COBLL1: variants seen among roughly 807,000 people sequenced by gnomAD.
COBLL1 encodes cordon-bleu protein-like 1.
COBLL1 carries 50 observed loss-of-function variants against 94.8 expected under a neutral mutation model. The observed-to-expected ratio is 0.53, with a 90% CI of 0.42 to 0.67. The LOEUF is 0.67. COBLL1 is among the 30% of genes least tolerant of loss of function. COBLL1 has a pLI of 0.00. For synonymous variants in COBLL1, 448 were observed against 473.8 expected (o/e 0.95, Z 0.71); for missense variants, 1,362 against 1,348.7 (o/e 1.01, Z -0.15).
intron 2 of COBLL1, among the ~76,000 whole-genome samples, chr2:164,792,553 A>G (rs1312249615): frequency 1.3e-5 from 2 of 152,150 alleles, no homozygotes; most frequent in Admixed American, 1.3e-4. Context: ...TTTAGACTCC[A>G]TTATTCATTA....
chr2:164,819,630 G>A (rs888230894), intron 2 of COBLL1, among the ~76,000 whole-genome samples: 2 of 152,134 alleles, frequency 1.3e-5, no homozygotes, highest in Non-Finnish European at 2.9e-5. Context: ...TTCAGGTAGG[G>A]AAAGAAACAA....
chr2:164,729,867 CTG>C, intron 4 of COBLL1, 45 bp downstream of exon 4: 1 of 1,474,690 alleles, frequency 6.8e-7, no homozygotes, highest in Non-Finnish European at 9.5e-7. Context: ...CAATGAGCTG[CTG>C]ATAATGACTG....
chr2:164,838,781 C>T (rs890657446), intron 2 of COBLL1, among the ~76,000 whole-genome samples: 1 of 152,168 alleles, frequency 6.6e-6, no homozygotes, highest in Non-Finnish European at 1.5e-5. Flanking sequence ...CTAAACTAGG[C>T]TTCATTGTCT....
chr2:164,840,897 A>C, intron 2 of COBLL1: 1 of 379,228 alleles, frequency 2.6e-6, no homozygotes. Flanking sequence ...CTCCTCACCC[A>C]ATTCCTGGCA....
At chr2:164,709,350 A>G (rs1684765503) in intron 7 of COBLL1, among the ~76,000 whole-genome samples, 1 of 152,174 alleles carries the variant, frequency 6.6e-6, no homozygotes, top group African/African-American at 2.4e-5. Context: ...CACCCTTACC[A>G]TGTTGTGCAT....
At position 164,700,749 on chromosome 2, in the gene COBLL1, T is replaced by A; in HGVS notation, c.1233A>T (p.Ile411=). The change falls in exon 10 of 14, where the codon ATA becomes ATT. Residue 411 remains isoleucine, a synonymous_variant. Transcript: ENST00000652658. ...SPEELSSPAG[I]SSDYSLEEID... ...TCTCTTCAAGGCTATAATCAGAGCTTATTCCAGCTACAAAGAAATGCAGAT... is the reference window on the plus strand; with the variant it reads ...TCTCTTCAAGGCTATAATCAGAGCTAATTCCAGCTACAAAGAAATGCAGAT... 6.3e-7 allele frequency: 1 copy of A among 1,580,032 alleles called. No homozygotes were observed. The highest frequency in any genetic ancestry group is 2.2e-5 in the East Asian group (1 of 44,668).
At chr2:164,751,838 T>A (rs1207355180) in intron 2 of COBLL1, among the ~76,000 whole-genome samples, 2 of 152,056 alleles carry the variant, frequency 1.3e-5, no homozygotes, top group Non-Finnish European at 2.9e-5. Flanking sequence ...CTGACAAAAT[T>A]TTAGATTGTA....
chr2:164,671,014 A>G (rs1438405614), intron 1 of COBLL1, among the ~76,000 whole-genome samples: 4 of 152,210 alleles, frequency 2.6e-5, no homozygotes, highest in South Asian at 2.1e-4. Flanking sequence ...TTCACAGGTA[A>G]GGGCAATGAA....
Position 164,686,052 on chromosome 2 carries a change from T to C in COBLL1, c.3301-20A>G, listed in dbSNP as rs748989785. 2 of 1,416,288 alleles carry C rather than the reference T, an allele frequency of 1.4e-6. No homozygotes were observed. Among genetic ancestry groups the C allele is most frequent in the Non-Finnish European group, 9.8e-7 (1 of 1,017,842 alleles). The allele number at this position is 1,416,288 out of a possible 1,614,324, so 87.7% of individuals were successfully genotyped here. On this transcript the variant is annotated intron_variant, in intron 13 of 13. Coordinates refer to ENST00000652658, the MANE Select transcript of COBLL1 (RefSeq NM_001365672.2). ...GGTAACCTAAGAGAAAGAAACACAC[T>C]TTGCACCCATCAATTTAAAATGGGA...
At chr2:164,765,234 A>T (rs1276021590) in intron 2 of COBLL1, among the ~76,000 whole-genome samples, 1 of 152,230 alleles carries the variant, frequency 6.6e-6, no homozygotes, top group Non-Finnish European at 1.5e-5. Flanking sequence ...CCACATATGA[A>T]GTACTCTTAT....
chr2:164,694,821 A>C lies in COBLL1; in HGVS notation c.2571T>G (p.Ala857=). The part of the protein sequence containing the change: ...NILESKFKSR[A]SNAQAKPSSF... ...AGCTGGGTTTGGCCTGGGCATTTGA[A>C]GCCCGAGATTTAAATTTTGATTCCA... The change falls in exon 12 of 14, where the codon GCT becomes GCG. Residue 857 remains alanine, a synonymous_variant. Coordinates refer to ENST00000652658, the MANE Select transcript of COBLL1 (RefSeq NM_001365672.2). 1 of 1,613,862 alleles carries C rather than the reference A, an allele frequency of 6.2e-7. No homozygotes were observed. Among genetic ancestry groups the C allele is most frequent in the Non-Finnish European group, 8.5e-7 (1 of 1,179,954 alleles).
chr2:164,802,866 G>A (rs1452237238), intron 2 of COBLL1, among the ~76,000 whole-genome samples: 2 of 151,918 alleles, frequency 1.3e-5, no homozygotes, highest in Admixed American at 6.6e-5. Context: ...AGGAAGGGGA[G>A]GGAGGCAAAC....
chr2:164,794,707 C>G (rs546191246), intron 2 of COBLL1, among the ~76,000 whole-genome samples: 1 of 151,886 alleles, frequency 6.6e-6, no homozygotes, highest in South Asian at 2.1e-4. Flanking sequence ...TCAGTACATA[C>G]GCAGCATAAG....
intron 2 of COBLL1, among the ~76,000 whole-genome samples, chr2:164,825,904 T>C (rs945642213): frequency 6.6e-6 from 1 of 152,214 alleles, no homozygotes; most frequent in Non-Finnish European, 1.5e-5. Context: ...TGGTAAAGTA[T>C]AATACCTCAA....
At chr2:164,810,498 A>G in intron 2 of COBLL1, among the ~76,000 whole-genome samples, 1 of 151,702 alleles carries the variant, frequency 6.6e-6, no homozygotes, top group Admixed American at 6.6e-5. Context: ...AAGTATTCAT[A>G]ATTGTCATAA....
In COBLL1 at chr2:164,730,010, A is replaced by C; in HGVS notation, c.336T>G (p.Phe112Leu). Residue 112 changes from phenylalanine to leucine, a missense_variant, in exon 4 of 14, where the codon TTT becomes TTG. Coordinates refer to ENST00000652658, the MANE Select transcript of COBLL1 (RefSeq NM_001365672.2). The part of the protein sequence containing the change: ...LLSAEQNHIK[F>L]KPNTPIGMLE... ...ACATTCCTATTGGTGTGTTTGGCTTAAATTTAATGTGGTTCTGTTCAGCTG... is the reference window on the plus strand; with the variant it reads ...ACATTCCTATTGGTGTGTTTGGCTTCAATTTAATGTGGTTCTGTTCAGCTG... The C allele has an allele frequency of 6.2e-7, 1 of 1,614,084 alleles. No individual in the cohort carries two copies. Among genetic ancestry groups the C allele is most frequent in the Non-Finnish European group, 8.5e-7 (1 of 1,179,972 alleles).
At chr2:164,692,084 C>T in intron 13 of COBLL1, 137 bp downstream of exon 13, 3 of 714,608 alleles carry the variant, frequency 4.2e-6, no homozygotes, top group Non-Finnish European at 6.5e-6. Context: ...ACTCTTTCAG[C>T]TTATACTTCA....
intron 7 of COBLL1, among the ~76,000 whole-genome samples, chr2:164,721,484 T>C (rs890047874): frequency 6.6e-6 from 1 of 152,134 alleles, no homozygotes; most frequent in Admixed American, 6.5e-5. Flanking sequence ...GTAAGAAACT[T>C]TGAGAAAAAG....
intron 2 of COBLL1, among the ~76,000 whole-genome samples, chr2:164,833,485 C>CT (rs1683175892): frequency 6.8e-6 from 1 of 146,284 alleles, no homozygotes; most frequent in Admixed American, 6.9e-5. Flanking sequence ...GAGTCTCACT[C>CT]TTTCGCCCAG....
Sources: allele counts gnomAD v4.1 joint callset (sites outside exome capture counted in the v4.1 genomes callset), GRCh38; gene constraint gnomAD v4.1.1; transcripts MANE v1.5; gene names NCBI Gene and HGNC (gene_info 2026-07-23, HGNC 2026-07-21).